The following RIC3 variants were observed in gnomAD, a reference collection of about 807,000 sequenced individuals.
RIC3 encodes protein RIC-3.
Under a neutral mutation model 27.3 loss-of-function variants are expected in RIC3, and 28 were observed. That is an observed-to-expected ratio of 1.02 (90% CI 0.76 to 1.41). The LOEUF (loss-of-function observed/expected upper bound fraction) is 1.41, where lower values mean the gene tolerates loss of function less well. RIC3 is among the 40% of genes most tolerant of loss of function. The pLI is 0.00. For missense variants in RIC3, 501 were observed against 444.7 expected (o/e 1.13, Z -1.14); for synonymous variants, 184 against 160.4 (o/e 1.15, Z -1.11).
chr11:8,149,024 C>CAAAAAA (rs34536745), intron 1 of RIC3, among the ~76,000 whole-genome samples: 1 of 96,180 alleles, frequency 1.0e-5, no homozygotes, highest in Non-Finnish European at 2.2e-5. Flanking sequence ...ACTAAAAATA[C>CAAAAAA]AAAAAAAAAA....
Position 8,110,424 on chromosome 11 carries a change from C to A in RIC3, c.*274G>T. ...TGGTCCCATCTGTAATTACAATAGA[C>A]CAAACATAATTACTTAATGGATCAA... is the stretch of plus-strand genomic sequence containing the variant. On this transcript the variant is annotated 3_prime_UTR_variant, in exon 6 of 6. Coordinates refer to ENST00000309737, the MANE Select transcript of RIC3 (RefSeq NM_001206671.4). 3.8e-6 allele frequency: 2 copies of A among 524,620 alleles called. No homozygotes were observed. Among genetic ancestry groups the A allele is most frequent in the Non-Finnish European group, 6.9e-6 (2 of 288,820 alleles). 32.5% of individuals were successfully genotyped at this position (524,620 alleles called of 1,614,324 possible).
chr11:8,143,517 G>A (rs1415327422), intron 1 of RIC3, among the ~76,000 whole-genome samples: 3 of 151,162 alleles, frequency 2.0e-5, no homozygotes, highest in Non-Finnish European at 4.4e-5. Flanking sequence ...CACTGCTCAA[G>A]GAAATAAAAG....
Position 8,140,182 on chromosome 11 carries a change from G to A in RIC3, c.136C>T (p.Arg46Ter), listed in dbSNP as rs201805287. Residue 46 changes from arginine (R) to a stop codon, truncating the protein, a stop_gained, in exon 2 of 6, where the codon CGA (arginine) becomes TGA (stop). Transcript: ENST00000309737. LOFTEE classifies it high-confidence loss of function. ...TGATGATGCATCATAGGTGGAAATC[G>A]GCCCAATTTTCCTGAGAAAATAATA... ...PPPTPEGKLGRFPPMMHHHQA... is the reference protein window; with the variant it reads ...PPPTPEGKLG 1.5e-5 allele frequency: 24 copies of A among 1,610,332 alleles called. 1 individual carries two copies. Among genetic ancestry groups the A allele is most frequent in the Middle Eastern group, 1.6e-4 (1 of 6,064 alleles).
intron 1 of RIC3, chr11:8,153,481 CTG>C: frequency 2.3e-6 from 1 of 437,376 alleles, no homozygotes; most frequent in Non-Finnish European, 4.5e-6. Flanking sequence ...TTGGATTAAT[CTG>C]AATAAATCCT....
At chr11:8,137,675 T>A (rs138098825) in intron 3 of RIC3, among the ~76,000 whole-genome samples, 1 of 152,346 alleles carries the variant, frequency 6.6e-6, no homozygotes, top group East Asian at 1.9e-4. Flanking sequence ...TTTAGTTCCA[T>A]AGAAAATCCA....
At chr11:8,153,217 A>G (rs528732553) in intron 1 of RIC3, among the ~76,000 whole-genome samples, 1 of 152,198 alleles carries the variant, frequency 6.6e-6, no homozygotes, top group East Asian at 1.9e-4. Context: ...AGTACTTTAC[A>G]TGCGGTATTA....
At position 8,106,672 on chromosome 11, in the gene RIC3, C is replaced by G. The variant is rs537062969; in HGVS notation, c.*4026G>C. The G allele has an allele frequency of 1.2e-5, 1 of 81,852 alleles. No individual in the cohort carries two copies. Among genetic ancestry groups the G allele is most frequent in the Non-Finnish European group, 2.4e-5 (1 of 42,438 alleles). The allele number at this position is 81,852 out of a possible 1,614,324, so 5.1% of individuals were successfully genotyped here. A position where few individuals can be genotyped will look rare whatever the true frequency, so the allele number is the denominator to read the frequency against. On this transcript the variant is annotated 3_prime_UTR_variant, in exon 6 of 6. Transcript: ENST00000309737. The stretch of plus-strand genomic sequence containing the variant: ...ACCCTAACCCATTTAAACAGGACCT[C>G]GAGATGCTTAGGAATCTTTTTTTGT...
chr11:8,156,489 A>T (rs1341843041), intron 1 of RIC3, among the ~76,000 whole-genome samples: 1 of 152,232 alleles, frequency 6.6e-6, no homozygotes. Context: ...TATAGTAGGT[A>T]TTTAACAAAT....
In RIC3 at chr11:8,153,107, T is replaced by C. The variant is rs185990584; in HGVS notation, c.125-12914A>G. Among the ~76,000 whole-genome samples, 6 of 152,212 alleles carry C rather than the reference T, an allele frequency of 3.9e-5. No individual in the cohort carries two copies. The East Asian group carries it at 9.7e-4, about 24-fold the overall frequency. ...TAACATCAAAGAGATGTTGAAAAAG[T>C]AAAAAATACTATTTTCAAAGACAGA... On this transcript the variant is annotated intron_variant, in intron 1 of 5. Transcript: ENST00000309737.
downstream of RIC3, chr11:8,101,472 G>C: frequency 6.2e-7 from 1 of 1,614,058 alleles, no homozygotes; most frequent in Non-Finnish European, 8.5e-7. Context: ...GTCTGTGCCT[G>C]TGCTTGGCCC....
downstream of RIC3, chr11:8,104,899 G>T (rs999244890): frequency 1.3e-5 from 2 of 150,050 alleles, no homozygotes; most frequent in African/African-American, 4.9e-5. Flanking sequence ...TCAGTGACAA[G>T]TAGGGCACAA....
intron 5 of RIC3, among the ~76,000 whole-genome samples, chr11:8,119,604 C>T (rs1946230689): frequency 6.6e-6 from 1 of 152,098 alleles, no homozygotes. Context: ...AGAAGAAAAC[C>T]TAGGCAATAC....
intron 1 of RIC3, among the ~76,000 whole-genome samples, 191 bp downstream of exon 1, chr11:8,168,675 T>C (rs564412068): frequency 2.8e-4 from 43 of 152,314 alleles, no homozygotes; most frequent in Non-Finnish European, 4.7e-4. Context: ...CAGAACCATC[T>C]GGGCCGCCAC....
chr11:8,104,925 AG>A (rs1404192451), downstream of RIC3: 2 of 118,630 alleles, frequency 1.7e-5, no homozygotes, highest in Non-Finnish European at 3.7e-5. Flanking sequence ...TAGAAGCAGA[AG>A]GTTGTTTTTT....
chr11:8,112,483 C>T (rs896820656), intron 5 of RIC3, among the ~76,000 whole-genome samples: 21 of 151,956 alleles, frequency 1.4e-4, no homozygotes, highest in Admixed American at 7.2e-4. Flanking sequence ...TTAGCAGAGA[C>T]GGGGTTTCAC....
chr11:8,138,761 G>T (rs115070653), intron 2 of RIC3: 2,655 of 227,892 alleles, frequency 0.012, 78 homozygotes, highest in African/African-American at 0.058. Context: ...AAGCAAGCAT[G>T]AGGTCATAGC....
At chr11:8,099,721 GAA>G in the RIC3 span, among the ~76,000 whole-genome samples, 1 of 152,328 alleles carries the variant, frequency 6.6e-6, no homozygotes, top group South Asian at 2.1e-4. Flanking sequence ...GGGGAGATAA[GAA>G]ATGTCAAGGT....
the RIC3 span, chr11:8,094,301 G>C: frequency 3.3e-5 from 45 of 1,360,450 alleles, no homozygotes; most frequent in South Asian, 6.6e-4. Context: ...CAGCCTCAGG[G>C]AAGACACAGA....
At chr11:8,136,022 T>C (rs1447484633) in intron 4 of RIC3, among the ~76,000 whole-genome samples, 3 of 152,220 alleles carry the variant, frequency 2.0e-5, no homozygotes, top group African/African-American at 7.2e-5. Context: ...GATATATTAA[T>C]GTATCTATAC....
Sources: allele counts gnomAD v4.1 joint callset (sites outside exome capture counted in the v4.1 genomes callset), GRCh38; gene constraint gnomAD v4.1.1; transcripts MANE v1.5; gene names NCBI Gene and HGNC (gene_info 2026-07-23, HGNC 2026-07-21).